The following GRID1 variants were observed in gnomAD, a reference collection of about 807,000 sequenced individuals.
The protein encoded by GRID1 is glutamate ionotropic receptor delta type subunit 1, also known as glutamate receptor ionotropic, delta-1.
GRID1 carries 28 observed loss-of-function variants against 98.0 expected under a neutral mutation model. The observed-to-expected ratio is 0.29, with a 90% CI of 0.21 to 0.39. The LOEUF is 0.39. Ranked by LOEUF, GRID1 falls within the 10% of genes least tolerant of loss-of-function variation. The pLI is 1.00. For missense variants in GRID1, 1,111 were observed against 1,340.5 expected (o/e 0.83, Z 2.67); for synonymous variants, 553 against 538.5 (o/e 1.03, Z -0.37).
At chr10:85,886,791 C>T (rs972259431) in intron 5 of GRID1, among the ~76,000 whole-genome samples, 2 of 152,114 alleles carry the variant, frequency 1.3e-5, no homozygotes, top group African/African-American at 2.4e-5. Context: ...AACTCATGCA[C>T]AGATAAGTTT....
intron 14 of GRID1, 105 bp downstream of exon 14, chr10:85,619,762 G>T (rs978650419): frequency 8.2e-6 from 7 of 849,200 alleles, no homozygotes; most frequent in African/African-American, 3.4e-5. Flanking sequence ...AAAATATGAC[G>T]AACAAAGATG....
intron 3 of GRID1, among the ~76,000 whole-genome samples, chr10:86,140,619 C>A (rs1212740197): frequency 6.6e-6 from 1 of 152,214 alleles, no homozygotes; most frequent in Non-Finnish European, 1.5e-5. Context: ...GTGCTGGGGG[C>A]TGTGCACAGG....
chr10:85,790,215 C>T (rs942727064), intron 8 of GRID1, among the ~76,000 whole-genome samples: 2 of 152,218 alleles, frequency 1.3e-5, no homozygotes, highest in African/African-American at 4.8e-5. Flanking sequence ...GGCTGTGTTT[C>T]CCTTCGTCCC....
chr10:85,628,241 T>C (rs77442355), intron 13 of GRID1, among the ~76,000 whole-genome samples: 11,635 of 151,784 alleles, frequency 0.077, 694 homozygotes, highest in African/African-American at 0.17. Flanking sequence ...TGGAATAATA[T>C]ATGTGCAGGT....
chr10:85,807,433 T>C (rs76887598), intron 8 of GRID1, among the ~76,000 whole-genome samples: 2,152 of 151,820 alleles, frequency 0.014, 57 homozygotes, highest in African/African-American at 0.049. Flanking sequence ...CTTAAAAATA[T>C]GGAGGGAAGA....
At chr10:86,167,903 G>T (rs1340117819) in intron 3 of GRID1, among the ~76,000 whole-genome samples, 1 of 152,186 alleles carries the variant, frequency 6.6e-6, no homozygotes, top group Non-Finnish European at 1.5e-5. Flanking sequence ...AAGCAGTTGT[G>T]ACCGAGGGAG....
chr10:86,346,903 G>A (rs183704307), intron 2 of GRID1, among the ~76,000 whole-genome samples: 1 of 152,270 alleles, frequency 6.6e-6, no homozygotes, highest in African/African-American at 2.4e-5. Context: ...TCCCGGCTGG[G>A]GAAGACTGAA....
chr10:86,244,796 C>T (rs1021677959), intron 2 of GRID1, among the ~76,000 whole-genome samples: 1 of 152,238 alleles, frequency 6.6e-6, no homozygotes, highest in Admixed American at 6.5e-5. Context: ...AGCTAGTCCT[C>T]GAATATCCTC....
intron 8 of GRID1, among the ~76,000 whole-genome samples, chr10:85,817,672 T>A: frequency 6.6e-6 from 1 of 152,074 alleles, no homozygotes; most frequent in South Asian, 2.1e-4. Flanking sequence ...GGCAGATGGA[T>A]CACGAGGTCA....
chr10:86,365,387 T>A lies in GRID1; in HGVS notation c.79+927A>T, dbSNP rs1010791260. Among the ~76,000 whole-genome samples the A allele has an allele frequency of 7.4e-6, 1 of 135,390 alleles. No homozygotes were observed. Among genetic ancestry groups the A allele is most frequent in the Non-Finnish European group, 1.6e-5 (1 of 63,704 alleles). 88.8% of individuals were successfully genotyped at this position (135,390 alleles called of 152,430 possible). ...AAGCGACCGCTGTCAGCCCCCCAAC[T>A]CGGCCCAACTTCCCGAGATTCCTCC... On this transcript the variant is annotated intron_variant, in intron 1 of 15. Coordinates refer to ENST00000327946, the MANE Select transcript of GRID1 (RefSeq NM_017551.3). The surrounding 1 kb of genome is among the most constrained non-coding windows in gnomAD (Gnocchi z 4.8).
At chr10:85,680,420 T>G (rs1478594091) in intron 12 of GRID1, among the ~76,000 whole-genome samples, 1 of 152,188 alleles carries the variant, frequency 6.6e-6, no homozygotes, top group Non-Finnish European at 1.5e-5. Context: ...CAACTCCTGA[T>G]GGAAACTCTC....
chr10:86,252,410 G>A (rs925818354), intron 2 of GRID1, among the ~76,000 whole-genome samples: 6 of 152,222 alleles, frequency 3.9e-5, no homozygotes, highest in Non-Finnish European at 1.5e-5. Flanking sequence ...ACTGCAGCAA[G>A]CCTAGTACAT....
At chr10:86,145,257 T>C (rs767646565) in intron 3 of GRID1, among the ~76,000 whole-genome samples, 13 of 152,154 alleles carry the variant, frequency 8.5e-5, no homozygotes, top group Non-Finnish European at 1.6e-4. Context: ...AGTCTCGCTC[T>C]TGTTGCCCAG....
At chr10:86,091,224 C>A (rs1331271955) in intron 4 of GRID1, among the ~76,000 whole-genome samples, 1 of 152,164 alleles carries the variant, frequency 6.6e-6, no homozygotes, top group Non-Finnish European at 1.5e-5. Context: ...AGGTGGGAGG[C>A]AGATAGCCTT....
chr10:86,156,232 C>T (rs192482623), intron 3 of GRID1, among the ~76,000 whole-genome samples: 226 of 152,288 alleles, frequency 1.5e-3, no homozygotes, highest in African/African-American at 5.1e-3. Flanking sequence ...GAAACAGCTC[C>T]CTGCTCTTGT....
At chr10:85,835,783 C>T (rs1455179526) in intron 8 of GRID1, among the ~76,000 whole-genome samples, 1 of 152,026 alleles carries the variant, frequency 6.6e-6, no homozygotes, top group Non-Finnish European at 1.5e-5. Context: ...ATATCCTAAA[C>T]AATAAAGAGA....
At chr10:85,868,221 G>C (rs1843239876) in intron 6 of GRID1, among the ~76,000 whole-genome samples, 4 of 152,250 alleles carry the variant, frequency 2.6e-5, no homozygotes, top group Admixed American at 2.6e-4. Flanking sequence ...CTTCTGTCCT[G>C]GTGCTCTCAC....
At chr10:85,700,639 T>C (rs1341849166) in intron 12 of GRID1, among the ~76,000 whole-genome samples, 1 of 152,182 alleles carries the variant, frequency 6.6e-6, no homozygotes, top group Non-Finnish European at 1.5e-5. Context: ...TAAACATCTA[T>C]TAGTAATTGT....
chr10:85,776,462 C>T (rs993321277), intron 8 of GRID1, among the ~76,000 whole-genome samples: 11 of 152,140 alleles, frequency 7.2e-5, no homozygotes, highest in East Asian at 1.9e-4. Flanking sequence ...TAGAAACACA[C>T]GCAAGACAGT....
Sources: allele counts gnomAD v4.1 joint callset (sites outside exome capture counted in the v4.1 genomes callset), GRCh38; gene constraint gnomAD v4.1.1; non-coding constraint Gnocchi (gnomAD v3.1); transcripts MANE v1.5; gene names NCBI Gene and HGNC (gene_info 2026-07-23, HGNC 2026-07-21).